The following SLC35B3 variants were observed in gnomAD, a reference collection of about 807,000 sequenced individuals.
SLC35B3 encodes the protein adenosine 3'-phospho 5'-phosphosulfate transporter 2.
In SLC35B3, 35 loss-of-function variants were observed where a neutral mutation model predicts 44.1. That is an observed-to-expected ratio of 0.79 (90% CI 0.61 to 1.05). The LOEUF (loss-of-function observed/expected upper bound fraction) is 1.05, where lower values mean the gene tolerates loss of function less well. SLC35B3 is among the 50% of genes least tolerant of loss of function. The pLI is 0.00. For missense variants in SLC35B3, 414 were observed against 476.4 expected (o/e 0.87, Z 1.22); for synonymous variants, 146 against 167.3 (o/e 0.87, Z 0.98).
intron 4 of SLC35B3, among the ~76,000 whole-genome samples, chr6:8,424,731 A>G (rs1561756639): frequency 6.6e-6 from 1 of 152,254 alleles, no homozygotes; most frequent in Non-Finnish European, 1.5e-5. Flanking sequence ...GCATTACCAC[A>G]TATGAGCCTC....
intron 4 of SLC35B3, among the ~76,000 whole-genome samples, chr6:8,424,497 T>G (rs538905658): frequency 6.6e-6 from 1 of 152,246 alleles, no homozygotes; most frequent in East Asian, 1.9e-4. Flanking sequence ...TAACCTCAGG[T>G]GATCAACCTG....
Position 8,435,328 on chromosome 6 carries a change from C to T in SLC35B3, c.-44+15G>A, listed in dbSNP as rs1458010162. 4.7e-6 allele frequency: 6 copies of T among 1,289,294 alleles called. No individual in the cohort carries two copies. Among genetic ancestry groups the T allele is most frequent in the Non-Finnish European group, 4.0e-6 (4 of 988,864 alleles). The allele number at this position is 1,289,294 out of a possible 1,614,324, so 79.9% of individuals were successfully genotyped here. A position where few individuals can be genotyped will look rare whatever the true frequency, so the allele number is the denominator to read the frequency against. ...TGGGTCCCAAACACAGGAAAGGCCC[C>T]GAAGGCACGCGTACCCCAAGGCCGG... On this transcript the variant is annotated intron_variant, in intron 1 of 10. Transcript: ENST00000644923. This position sits in a 1 kb window ranked among gnomAD's most constrained non-coding sequence, Gnocchi z 5.5.
intron 10 of SLC35B3, among the ~76,000 whole-genome samples, chr6:8,414,633 C>T (rs1191001040): frequency 6.6e-6 from 1 of 152,060 alleles, no homozygotes; most frequent in Non-Finnish European, 1.5e-5. Context: ...GCACTGGACT[C>T]TGGTTAGGCA....
chr6:8,434,393 T>G lies in SLC35B3; in HGVS notation c.-6A>C. 1.2e-6 allele frequency: 2 copies of G among 1,612,964 alleles called. No homozygotes were observed. The highest frequency in any genetic ancestry group is 1.7e-6 in the Non-Finnish European group (2 of 1,179,316). On this transcript the variant is annotated 5_prime_UTR_variant, in exon 2 of 11. Coordinates refer to ENST00000644923, the MANE Select transcript of SLC35B3 (RefSeq NM_001370476.2). This position sits in a 1 kb window ranked among gnomAD's most constrained non-coding sequence, Gnocchi z 6.3. ...AAATAAAAGAATCTTACCATGCCAT[T>G]ATGCCTTGATTAACTGCGCTCCGGA...
chr6:8,413,683 A>G lies in SLC35B3; in HGVS notation c.1072T>C (p.Leu358=). The change falls in exon 11 of 11, where the codon TTG becomes CTG. Residue 358 remains leucine, a synonymous_variant. Coordinates refer to ENST00000644923, the MANE Select transcript of SLC35B3 (RefSeq NM_001370476.2). ...AGAAATATACCAAGGACAACTAACA[A>G]ACCAGACCATACATACCTAAGAGAA... is the stretch of plus-strand genomic sequence containing the variant. The G allele has an allele frequency of 6.4e-7, 1 of 1,559,404 alleles. No individual in the cohort carries two copies. The highest frequency in any genetic ancestry group is 8.8e-7 in the Non-Finnish European group (1 of 1,140,654).
rs951155869 is a variant in SLC35B3 at position 8,413,215 on chromosome 6, G to A, written c.*334C>T. The A allele has an allele frequency of 1.5e-5, 3 of 196,584 alleles. No individual in the cohort carries two copies. The highest frequency in any genetic ancestry group is 5.9e-5 in the Admixed American group (1 of 16,814). The allele number at this position is 196,584 out of a possible 1,614,324, so 12.2% of individuals were successfully genotyped here. ...ATAAAACAATCTGCTATTACGTATC[G>A]ATTTCTTTGATAGGATATAATTATA... On this transcript the variant is annotated 3_prime_UTR_variant, in exon 11 of 11. Transcript: ENST00000644923.
rs758613946 is a variant in SLC35B3 at position 8,420,793 on chromosome 6, T to A, written c.610A>T (p.Ile204Leu). 1 of 1,612,918 alleles carries A rather than the reference T, an allele frequency of 6.2e-7. No homozygotes were observed. The highest frequency in any genetic ancestry group is 1.3e-5 in the African/African-American group (1 of 75,030). The change falls in exon 6 of 11, where the codon ATA becomes TTA. Residue 204 changes from isoleucine (I) to leucine (L), a missense_variant. By Grantham distance (5) the Ile-to-Leu change is conservative. Transcript: ENST00000644923. The surrounding 1 kb of genome is among the most constrained non-coding windows in gnomAD (Gnocchi z 4.4). ...CATATCAGGCCAAGGCTCATACATA[T>A]GGCAGCAGACACATCTGCAACATTA...
In SLC35B3 at chr6:8,420,976, A is replaced by T. The variant is rs934677138; in HGVS notation, c.575-148T>A. ...TTAGGTCAAGGCAGAAGACAGTCAC[A>T]AGAGGGCTTCTGAAAACTACCAATG... On this transcript the variant is annotated intron_variant, in intron 5 of 10. Coordinates refer to ENST00000644923, the MANE Select transcript of SLC35B3 (RefSeq NM_001370476.2). The surrounding 1 kb of genome is among the most constrained non-coding windows in gnomAD (Gnocchi z 4.4). The T allele has an allele frequency of 1.8e-5, 9 of 511,870 alleles. No individual in the cohort carries two copies. Among genetic ancestry groups the T allele is most frequent in the Non-Finnish European group, 2.8e-5 (8 of 286,910 alleles). The allele number at this position is 511,870 out of a possible 1,614,324, so 31.7% of individuals were successfully genotyped here. A position where few individuals can be genotyped will look rare whatever the true frequency, so the allele number is the denominator to read the frequency against.
intron 3 of SLC35B3, among the ~76,000 whole-genome samples, chr6:8,428,645 T>C (rs1011631120): frequency 3.3e-5 from 5 of 152,162 alleles, no homozygotes; most frequent in African/African-American, 9.6e-5. Context: ...AAATATCTGA[T>C]TATTAATTAG....
rs1007111332 is a variant in SLC35B3 at position 8,419,204 on chromosome 6, A to C, written c.780+376T>G. Among the ~76,000 whole-genome samples, 2 of 152,124 alleles carry C rather than the reference A, an allele frequency of 1.3e-5. No homozygotes were observed. Among genetic ancestry groups the C allele is most frequent in the Non-Finnish European group, 2.9e-5 (2 of 67,964 alleles). On this transcript the variant is annotated intron_variant, in intron 7 of 10. Transcript: ENST00000644923. This position sits in a 1 kb window ranked among gnomAD's most constrained non-coding sequence, Gnocchi z 4.3. ...AAATGTTCTAAATCTCAGGGTTAGGAAAGCTCTTTTCAACCATGATACTTA... is the reference window on the plus strand; with the variant it reads ...AAATGTTCTAAATCTCAGGGTTAGGCAAGCTCTTTTCAACCATGATACTTA...
chr6:8,425,335 G>A lies in SLC35B3; in HGVS notation c.419+2602C>T, dbSNP rs182574602. On this transcript the variant is annotated intron_variant, in intron 4 of 10. Coordinates refer to ENST00000644923, the MANE Select transcript of SLC35B3 (RefSeq NM_001370476.2). ...GTAATAAGTAGTAAATCATCATCAA[G>A]CTTCCTTATATATTAGTCTTGACAG... Among the ~76,000 whole-genome samples, 390 of 152,198 alleles carry A rather than the reference G, an allele frequency of 2.6e-3. 8 individuals are homozygous for A. Among genetic ancestry groups the A allele is most frequent in the Admixed American group, 0.014 (218 of 15,278 alleles).
At chr6:8,416,813 T>A in intron 9 of SLC35B3, 71 bp downstream of exon 8, 1 of 664,468 alleles carries the variant, frequency 1.5e-6, no homozygotes, top group Non-Finnish European at 2.5e-6. Context: ...GTTGCCCTTA[T>A]GTTTTGAAAA....
At chr6:8,416,710 AAAC>A (rs1206253910) in intron 9 of SLC35B3, among the ~76,000 whole-genome samples, 171 bp downstream of exon 8, 4 of 152,232 alleles carry the variant, frequency 2.6e-5, no homozygotes, top group Non-Finnish European at 5.9e-5. Flanking sequence ...AATTAAGATC[AAAC>A]AACATTTTCT....
rs539510144 is a variant in SLC35B3, at chr6:8,411,801, A to AG, written c.*1747dup. 9.5e-4 allele frequency among the ~76,000 whole-genome samples: 145 copies of AG among 152,236 alleles called. No homozygotes were observed. The highest frequency in any genetic ancestry group is 6.2e-3 in the South Asian group (30 of 4,832). On this transcript the variant is annotated 3_prime_UTR_variant, in exon 11 of 11. Transcript: ENST00000644923. ...TATATTATACTCACAAAATATAAAC[A>AG]GTGTCCCCAAGAGCACTAAGCTTTT...
At chr6:8,426,361 C>T (rs930039630) in intron 4 of SLC35B3, among the ~76,000 whole-genome samples, 1 of 152,090 alleles carries the variant, frequency 6.6e-6, no homozygotes, top group African/African-American at 2.4e-5. Flanking sequence ...GGCGCTGTGT[C>T]ACCACTCAAA....
At chr6:8,422,996 T>C (rs1652793640) in intron 4 of SLC35B3, among the ~76,000 whole-genome samples, 1 of 152,128 alleles carries the variant, frequency 6.6e-6, no homozygotes, top group Admixed American at 6.6e-5. Flanking sequence ...TCTTTTGTTG[T>C]TGTTTGCTTG....
rs532405463 is a variant in SLC35B3, at chr6:8,420,425, G to A, written c.682+296C>T. ...TTGTTCATATTCATTTTTGAATAAC[G>A]TAATACTGAGTTACGACATAATTAT... On this transcript the variant is annotated intron_variant, in intron 6 of 10. Transcript: ENST00000644923. This position sits in a 1 kb window ranked among gnomAD's most constrained non-coding sequence, Gnocchi z 4.4. Among the ~76,000 whole-genome samples the A allele has an allele frequency of 3.3e-5, 5 of 150,108 alleles. No homozygotes were observed. Among genetic ancestry groups the A allele is most frequent in the East Asian group, 3.9e-4 (2 of 5,184 alleles).
chr6:8,420,461 C>T lies in SLC35B3; in HGVS notation c.682+260G>A, dbSNP rs1262661086. Among the ~76,000 whole-genome samples, 1 of 152,100 alleles carries T rather than the reference C, an allele frequency of 6.6e-6. No homozygotes were observed. Among genetic ancestry groups the T allele is most frequent in the Non-Finnish European group, 1.5e-5 (1 of 67,998 alleles). Reference sequence around the variant, plus strand: ...TTACGACATAATTATAATAAAGGTACAACTGACATAAACAAATCTGAGTCA... The same window carrying T: ...TTACGACATAATTATAATAAAGGTATAACTGACATAAACAAATCTGAGTCA... On this transcript the variant is annotated intron_variant, in intron 6 of 10. Coordinates refer to ENST00000644923, the MANE Select transcript of SLC35B3 (RefSeq NM_001370476.2). This position sits in a 1 kb window ranked among gnomAD's most constrained non-coding sequence, Gnocchi z 4.4.
chr6:8,433,256 C>G lies in SLC35B3; in HGVS notation c.3+1129G>C, dbSNP rs1487543816. Among the ~76,000 whole-genome samples the G allele has an allele frequency of 6.6e-6, 1 of 152,156 alleles. No homozygotes were observed. Among genetic ancestry groups the G allele is most frequent in the Non-Finnish European group, 1.5e-5 (1 of 68,026 alleles). On this transcript the variant is annotated intron_variant, in intron 2 of 10. Transcript: ENST00000644923. The surrounding 1 kb of genome is among the most constrained non-coding windows in gnomAD (Gnocchi z 4.1). ...CACATGGCTCAACGTGAAGTCTGAT[C>G]ATGCTGCATCCATGAATAAGGCCTC...
Sources: allele counts gnomAD v4.1 joint callset (sites outside exome capture counted in the v4.1 genomes callset), GRCh38; gene constraint gnomAD v4.1.1; non-coding constraint Gnocchi (gnomAD v3.1); transcripts MANE v1.5; gene names NCBI Gene and HGNC (gene_info 2026-07-23, HGNC 2026-07-21).